PDE7B: variants seen among roughly 807,000 people sequenced by gnomAD.
PDE7B encodes 3',5'-cyclic-AMP phosphodiesterase 7B.
Under a neutral mutation model 56.2 loss-of-function variants are expected in PDE7B, and 29 were observed. The observed-to-expected ratio is 0.52, with a 90% confidence interval of 0.38 to 0.70. The LOEUF is 0.70. PDE7B is among the 30% of genes least tolerant of loss of function. The probability of loss-of-function intolerance (pLI) is 0.00; values close to 1 mark genes in which losing one functional copy is unlikely to be tolerated. For missense variants in PDE7B, 490 were observed against 565.0 expected, an observed-to-expected ratio of 0.87 and a Z score of 1.35; for synonymous variants, 197 against 196.9, an observed-to-expected ratio of 1.00 and a Z score of 0.00.
In PDE7B at chr6:136,087,174, T is replaced by G. The variant is rs143274263; in HGVS notation, c.83-21557T>G. 1.4e-3 allele frequency among the ~76,000 whole-genome samples: 207 copies of G among 152,340 alleles called. 1 individual carries two copies. The highest frequency in any genetic ancestry group is 0.01 in the Middle Eastern group (3 of 294). On this transcript the variant is annotated intron_variant, in intron 2 of 12. Coordinates refer to ENST00000308191, the MANE Select transcript of PDE7B (RefSeq NM_018945.4). ...AATAATTTTATGGTTTAATTGTTGATTGTGGCACGGCTGGGCATCTTACGT... is the reference window on the plus strand; with the variant it reads ...AATAATTTTATGGTTTAATTGTTGAGTGTGGCACGGCTGGGCATCTTACGT...
intron 8 of PDE7B, among the ~76,000 whole-genome samples, chr6:136,172,812 T>A (rs1320898500): frequency 2.6e-5 from 4 of 152,148 alleles, no homozygotes; most frequent in Non-Finnish European, 5.9e-5. Flanking sequence ...AATTTTTGTA[T>A]AAGGTGTAAG....
At position 136,193,569 on chromosome 6, in the gene PDE7B, T is replaced by G. The variant is rs770891397; in HGVS notation, c.*1729T>G. ...TGCATTGAACCTTTTCTTTAGAAGT[T>G]TCAGCGTAACTAATGTTAGATGAAA... is the stretch of plus-strand genomic sequence containing the variant. On this transcript the variant is annotated 3_prime_UTR_variant, in exon 13 of 13. Coordinates refer to ENST00000308191, the MANE Select transcript of PDE7B (RefSeq NM_018945.4). 1 of 152,222 alleles carries G rather than the reference T, an allele frequency of 6.6e-6. No homozygotes were observed. Among genetic ancestry groups the G allele is most frequent in the Non-Finnish European group, 1.5e-5 (1 of 68,040 alleles). The allele number at this position is 152,222 out of a possible 1,614,324, so 9.4% of individuals were successfully genotyped here.
intron 3 of PDE7B, among the ~76,000 whole-genome samples, chr6:136,139,257 A>T (rs964408082): frequency 1.3e-5 from 2 of 152,126 alleles, no homozygotes; most frequent in Non-Finnish European, 2.9e-5. Context: ...GCTGAGAATG[A>T]TGGTTTCCAG....
At chr6:136,134,217 G>A (rs111951816) in intron 3 of PDE7B, among the ~76,000 whole-genome samples, 15 of 152,092 alleles carry the variant, frequency 9.9e-5, no homozygotes, top group African/African-American at 3.4e-4. Flanking sequence ...ACACTGAAAG[G>A]AGAGAAGCAG....
chr6:136,195,361 T>G lies in PDE7B; in HGVS notation c.*3521T>G, dbSNP rs1779296954. On this transcript the variant is annotated 3_prime_UTR_variant, in exon 13 of 13. Transcript: ENST00000308191. ...TCAGATCTGCTTACTTATTTAGGTTTGGTTATGAGCTTGTATCTCACTGTA... is the reference window on the plus strand; with the variant it reads ...TCAGATCTGCTTACTTATTTAGGTTGGGTTATGAGCTTGTATCTCACTGTA... The G allele has an allele frequency of 6.6e-6, 1 of 151,766 alleles. No individual in the cohort carries two copies. The highest frequency in any genetic ancestry group is 1.5e-5 in the Non-Finnish European group (1 of 67,956). 9.4% of individuals were successfully genotyped at this position (151,766 alleles called of 1,614,324 possible). A position where few individuals can be genotyped will look rare whatever the true frequency, so the allele number is the denominator to read the frequency against.
chr6:136,165,205 A>G (rs1387480227), intron 8 of PDE7B, among the ~76,000 whole-genome samples: 2 of 152,212 alleles, frequency 1.3e-5, no homozygotes, highest in Non-Finnish European at 2.9e-5. Flanking sequence ...GGAAGCTGTC[A>G]GTTCTGTTGA....
intron 2 of PDE7B, among the ~76,000 whole-genome samples, chr6:135,949,948 T>C (rs1444732256): frequency 1.3e-5 from 2 of 152,144 alleles, no homozygotes; most frequent in Admixed American, 1.3e-4. Flanking sequence ...ACGGCTTAGA[T>C]TTTTTAAGAG....
intron 2 of PDE7B, among the ~76,000 whole-genome samples, chr6:136,011,200 T>G (rs1263573471): frequency 6.6e-6 from 1 of 152,192 alleles, no homozygotes; most frequent in Non-Finnish European, 1.5e-5. Flanking sequence ...AAAGACTTTA[T>G]TTTCCTTTCC....
chr6:136,033,147 G>A (rs1035250287), intron 2 of PDE7B, among the ~76,000 whole-genome samples: 13 of 152,234 alleles, frequency 8.5e-5, no homozygotes, highest in Non-Finnish European at 7.3e-5. Context: ...CGAAGTATCA[G>A]ATGTTCAGTA....
intron 1 of PDE7B, among the ~76,000 whole-genome samples, chr6:135,879,105 G>A (rs1185287539): frequency 1.3e-5 from 2 of 151,914 alleles, no homozygotes; most frequent in African/African-American, 4.8e-5. Flanking sequence ...CATTTAAAAA[G>A]CCTTCTATAA....
intron 1 of PDE7B, among the ~76,000 whole-genome samples, chr6:135,869,671 G>A (rs1562418012): frequency 6.6e-6 from 1 of 152,164 alleles, no homozygotes; most frequent in Non-Finnish European, 1.5e-5. Context: ...GTAAGACAAA[G>A]TAATGAGACA....
intron 3 of PDE7B, among the ~76,000 whole-genome samples, chr6:136,125,836 G>A (rs530286586): frequency 1.1e-4 from 17 of 152,034 alleles, no homozygotes; most frequent in African/African-American, 2.7e-4. Context: ...TTCCCGGGGC[G>A]TTTTTACCCA....
chr6:135,864,257 A>C (rs1036827059), intron 1 of PDE7B, among the ~76,000 whole-genome samples: 2 of 152,110 alleles, frequency 1.3e-5, no homozygotes, highest in Non-Finnish European at 2.9e-5. Flanking sequence ...ATTATATGCT[A>C]TTGTTAGGTA....
At chr6:135,907,687 G>A (rs1776140403) in intron 1 of PDE7B, among the ~76,000 whole-genome samples, 1 of 152,016 alleles carries the variant, frequency 6.6e-6, no homozygotes, top group African/African-American at 2.4e-5. Flanking sequence ...TACATTTACA[G>A]CTTAGTACAA....
chr6:136,193,294 T>C lies in PDE7B; in HGVS notation c.*1454T>C, dbSNP rs1263222914. Reference sequence around the variant, plus strand: ...TTGGTGTGCATTTCTTTAGTGTCGATAGTAACTGGATTTTTCTTTTTCCTT... The same window carrying C: ...TTGGTGTGCATTTCTTTAGTGTCGACAGTAACTGGATTTTTCTTTTTCCTT... On this transcript the variant is annotated 3_prime_UTR_variant, in exon 13 of 13. Coordinates refer to ENST00000308191, the MANE Select transcript of PDE7B (RefSeq NM_018945.4). The C allele has an allele frequency of 6.5e-6, 1 of 152,676 alleles. No homozygotes were observed. The highest frequency in any genetic ancestry group is 2.4e-5 in the African/African-American group (1 of 41,466). The allele number at this position is 152,676 out of a possible 1,614,324, so 9.5% of individuals were successfully genotyped here.
rs192078340 is a variant in PDE7B at position 135,973,686 on chromosome 6, A to T, written c.82+26162A>T. 1.1e-4 allele frequency among the ~76,000 whole-genome samples: 17 copies of T among 152,256 alleles called. No homozygotes were observed. In the East Asian group the frequency reaches 3.3e-3, roughly 29 times the overall value. ...CCTGACAGGTATAAGGTGATCACTC[A>T]TTGTGGTATTGATTTGTGTTTTCCT... On this transcript the variant is annotated intron_variant, in intron 2 of 12. Coordinates refer to ENST00000308191, the MANE Select transcript of PDE7B (RefSeq NM_018945.4).
intron 2 of PDE7B, among the ~76,000 whole-genome samples, chr6:136,005,494 C>A (rs1278814783): frequency 3.9e-5 from 6 of 152,142 alleles, no homozygotes; most frequent in East Asian, 1.9e-4. Flanking sequence ...CAATGAACTC[C>A]AACAAATTTA....
At chr6:135,873,545 A>G (rs1319691763) in intron 1 of PDE7B, among the ~76,000 whole-genome samples, 1 of 152,150 alleles carries the variant, frequency 6.6e-6, no homozygotes, top group East Asian at 1.9e-4. Flanking sequence ...TCTGGAAAAT[A>G]ATGGGTGCTT....
At chr6:136,164,265 G>T (rs981939623) in intron 8 of PDE7B, among the ~76,000 whole-genome samples, 5 of 152,094 alleles carry the variant, frequency 3.3e-5, no homozygotes, top group African/African-American at 9.7e-5. Context: ...AGGGGATAAA[G>T]CCCCTTATAA....
Sources: allele counts gnomAD v4.1 joint callset (sites outside exome capture counted in the v4.1 genomes callset), GRCh38; gene constraint gnomAD v4.1.1; transcripts MANE v1.5; gene names NCBI Gene and HGNC (gene_info 2026-07-23, HGNC 2026-07-21).